Variants in GSK3B observed in about 807,000 individuals in gnomAD.
GSK3B encodes glycogen synthase kinase-3 beta.
A neutral mutation model predicts 56.4 loss-of-function variants in GSK3B; 15 were observed. That is an observed-to-expected ratio of 0.27 (90% CI 0.18 to 0.41). The LOEUF (loss-of-function observed/expected upper bound fraction) is 0.41. GSK3B is among the 10% of genes least tolerant of loss of function. The pLI is 1.00. For synonymous variants in GSK3B, 181 were observed against 188.9 expected (o/e 0.96, Z 0.34); for missense variants, 300 against 513.4 (o/e 0.58, Z 4.02).
chr3:120,043,676 C>G (rs902463068), intron 1 of GSK3B, among the ~76,000 whole-genome samples: 3 of 152,136 alleles, frequency 2.0e-5, no homozygotes, highest in Non-Finnish European at 4.4e-5. Flanking sequence ...CCACTTTTAC[C>G]AAAGGAACCA....
chr3:120,055,238 A>G (rs184804500), intron 1 of GSK3B, among the ~76,000 whole-genome samples: 1 of 152,324 alleles, frequency 6.6e-6, no homozygotes, highest in Non-Finnish European at 1.5e-5. Flanking sequence ...AGCTGTCAAT[A>G]AAAGTCTAGT....
At chr3:119,993,777 G>A (rs994307496) in intron 2 of GSK3B, among the ~76,000 whole-genome samples, 5 of 146,792 alleles carry the variant, frequency 3.4e-5, no homozygotes, top group Admixed American at 6.6e-5. Flanking sequence ...AGAAAAAAAC[G>A]TGTGAATATG....
intron 2 of GSK3B, among the ~76,000 whole-genome samples, chr3:119,987,245 G>A (rs1371316571): frequency 6.6e-6 from 1 of 152,184 alleles, no homozygotes; most frequent in Admixed American, 6.5e-5. Flanking sequence ...GTTGATGGGT[G>A]CAGCAAACCA....
intron 9 of GSK3B, among the ~76,000 whole-genome samples, chr3:119,857,911 TCTC>T (rs1329273010): frequency 3.3e-5 from 5 of 152,290 alleles, no homozygotes; most frequent in Non-Finnish European, 7.4e-5. Flanking sequence ...ACAACATTCA[TCTC>T]CTTGTACCTC....
chr3:119,990,484 G>C (rs907615242), intron 2 of GSK3B, among the ~76,000 whole-genome samples: 1 of 152,118 alleles, frequency 6.6e-6, no homozygotes, highest in Non-Finnish European at 1.5e-5. Context: ...TCTTACAATA[G>C]ATATGCTCAA....
chr3:119,929,136 T>C (rs186903802), intron 3 of GSK3B, among the ~76,000 whole-genome samples: 44 of 152,122 alleles, frequency 2.9e-4, no homozygotes, highest in Admixed American at 5.2e-4. Context: ...TGCTGAAGGC[T>C]AAAAGAAAAA....
At chr3:119,956,696 A>G (rs947702644) in intron 2 of GSK3B, among the ~76,000 whole-genome samples, 6 of 152,210 alleles carry the variant, frequency 3.9e-5, no homozygotes, top group African/African-American at 1.4e-4. Flanking sequence ...GAACCTAGAC[A>G]GTGGAGTAAC....
chr3:119,912,588 C>A, intron 6 of GSK3B, 116 bp downstream of exon 6: 5 of 452,456 alleles, frequency 1.1e-5, no homozygotes, highest in East Asian at 3.3e-5. Context: ...AGAAAAAAAA[C>A]ATTATGGGAT....
At chr3:120,035,086 C>T (rs754212513) in intron 1 of GSK3B, among the ~76,000 whole-genome samples, 3 of 151,872 alleles carry the variant, frequency 2.0e-5, no homozygotes, top group Non-Finnish European at 4.4e-5. Flanking sequence ...GAGTGAGACT[C>T]CATCTCAAAA....
At chr3:120,061,413 T>A in intron 1 of GSK3B, among the ~76,000 whole-genome samples, 1 of 152,236 alleles carries the variant, frequency 6.6e-6, no homozygotes, top group East Asian at 1.9e-4. Context: ...ACACTGCACA[T>A]ACTCCTTTGC....
chr3:119,946,107 A>G (rs2057097311), intron 3 of GSK3B, among the ~76,000 whole-genome samples: 1 of 152,060 alleles, frequency 6.6e-6, no homozygotes, highest in South Asian at 2.1e-4. Context: ...AAGCAACTGA[A>G]AAGCAAGTGT....
chr3:119,878,203 C>T (rs933477961), intron 7 of GSK3B, among the ~76,000 whole-genome samples: 1 of 151,940 alleles, frequency 6.6e-6, no homozygotes, highest in Non-Finnish European at 1.5e-5. Context: ...ACGAACTTTG[C>T]AGAATATATT....
At chr3:119,982,848 TAGAG>T (rs1399265464) in intron 2 of GSK3B, among the ~76,000 whole-genome samples, 2 of 151,912 alleles carry the variant, frequency 1.3e-5, no homozygotes, top group African/African-American at 4.8e-5. Context: ...ATTCAGGAAA[TAGAG>T]AGAACACCAC....
chr3:119,952,645 T>A (rs555618113), intron 2 of GSK3B, among the ~76,000 whole-genome samples: 1 of 146,822 alleles, frequency 6.8e-6, no homozygotes, highest in East Asian at 2.0e-4. Context: ...AAATCACTCA[T>A]CACATACATG....
At chr3:119,952,688 A>G (rs1451559794) in intron 2 of GSK3B, among the ~76,000 whole-genome samples, 1 of 151,788 alleles carries the variant, frequency 6.6e-6, no homozygotes, top group Admixed American at 6.6e-5. Flanking sequence ...CCGACTAATC[A>G]TCAGGAAAAA....
At chr3:119,852,975 G>A (rs888652101) in intron 9 of GSK3B, among the ~76,000 whole-genome samples, 1 of 152,200 alleles carries the variant, frequency 6.6e-6, no homozygotes, top group African/African-American at 2.4e-5. Flanking sequence ...TGCTTTTGGT[G>A]TTTTAGTCAT....
At chr3:119,848,062 T>C (rs2055879968) in intron 9 of GSK3B, among the ~76,000 whole-genome samples, 1 of 152,244 alleles carries the variant, frequency 6.6e-6, no homozygotes, top group Admixed American at 6.5e-5. Context: ...TTTGTTACTT[T>C]TTACAAGTTT....
chr3:120,046,567 A>G (rs988316325), intron 1 of GSK3B, among the ~76,000 whole-genome samples: 3 of 152,274 alleles, frequency 2.0e-5, no homozygotes, highest in Admixed American at 2.0e-4. Flanking sequence ...AGTATGTATC[A>G]CTTGGAAAGT....
At chr3:119,843,405 A>G in intron 9 of GSK3B, 52 bp from the exon 10 acceptor site, 1 of 992,404 alleles carries the variant, frequency 1.0e-6, no homozygotes, top group Non-Finnish European at 1.6e-6. Context: ...CTTTGTATGC[A>G]AAACTATTTT....
Sources: gnomAD v4.1 joint callset for allele counts (sites outside exome capture counted in the v4.1 genomes callset) on GRCh38, gnomAD v4.1.1 for gene constraint, MANE v1.5 for transcripts, NCBI Gene and HGNC (gene_info 2026-07-23, HGNC 2026-07-21) for gene names.